Variants in CNKSR3 observed in about 807,000 individuals in gnomAD.
CNKSR3 encodes connector enhancer of kinase suppressor of ras 3.
CNKSR3 carries 36 observed loss-of-function variants against 67.7 expected under a neutral mutation model. The ratio of observed to expected loss-of-function variants is 0.53; its 90% CI spans 0.41 to 0.70. The LOEUF (loss-of-function observed/expected upper bound fraction) is 0.70. CNKSR3 is among the 30% of genes least tolerant of loss of function. The pLI is 0.00. For synonymous variants in CNKSR3, 281 were observed against 271.4 expected (o/e 1.04, Z -0.35); for missense variants, 630 against 695.2 (o/e 0.91, Z 1.05).
At chr6:154,496,799 A>C (rs1170193865) in intron 1 of CNKSR3, among the ~76,000 whole-genome samples, 1 of 152,230 alleles carries the variant, frequency 6.6e-6, no homozygotes, top group Non-Finnish European at 1.5e-5. Flanking sequence ...AAAATTAAGT[A>C]GATCAATGCG....
chr6:154,484,362 A>C (rs2114641989), intron 1 of CNKSR3, among the ~76,000 whole-genome samples: 1 of 152,310 alleles, frequency 6.6e-6, no homozygotes, highest in East Asian at 1.9e-4. Flanking sequence ...CACCAACGTG[A>C]ACAGGATTTG....
Position 154,437,410 on chromosome 6 carries a change from C to CTTTTT in CNKSR3, c.507+3877_507+3881dup, listed in dbSNP as rs10665656. Among the ~76,000 whole-genome samples the CTTTTT allele has an allele frequency of 1.2e-3, 124 of 102,122 alleles. 1 individual carries two copies. The highest frequency in any genetic ancestry group is 1.9e-3 in the East Asian group (6 of 3,126). The allele number at this position is 102,122 out of a possible 152,430, so 67.0% of individuals were successfully genotyped here. ...CACCATTTGGCAAAGCACCTATGTT[C>CTTTTT]TTTTTTTTTTTTTTTTTTTTTGAGA... On this transcript the variant is annotated intron_variant, in intron 4 of 12. Transcript: ENST00000607772.
At chr6:154,443,513 G>A (rs1785646539) in intron 2 of CNKSR3, among the ~76,000 whole-genome samples, 1 of 152,136 alleles carries the variant, frequency 6.6e-6, no homozygotes, top group Non-Finnish European at 1.5e-5. Context: ...CTGAAGCACC[G>A]TGTTTGTGGC....
chr6:154,509,662 G>A (rs1207864267), intron 1 of CNKSR3, among the ~76,000 whole-genome samples: 2 of 152,136 alleles, frequency 1.3e-5, no homozygotes, highest in Admixed American at 6.5e-5. Context: ...AGGTCCCGCG[G>A]GAGTCACCCA....
In CNKSR3 at chr6:154,422,919, G is replaced by A. The variant is rs1473046443; in HGVS notation, c.794C>T (p.Thr265Ile). Reference protein sequence around the residue: ...GDEVIQVNQQTVVGWQLKNLV... With the variant: ...GDEVIQVNQQIVVGWQLKNLV... ...AGCCTCAATAAACAAACTCACCACA[G>A]TTTGCTGATTAACTTGAATGACTTC... is the stretch of plus-strand genomic sequence containing the variant. The change falls in exon 8 of 13, where the codon ACT (threonine) becomes ATT (isoleucine). Residue 265 changes from threonine to isoleucine, a missense_variant. Transcript: ENST00000607772. The A allele has an allele frequency of 6.2e-7, 1 of 1,609,106 alleles. No homozygotes were observed.
At chr6:154,487,059 G>A (rs559149241) in intron 1 of CNKSR3, among the ~76,000 whole-genome samples, 19 of 151,642 alleles carry the variant, frequency 1.3e-4, no homozygotes, top group East Asian at 9.9e-4. Flanking sequence ...CTACAGGCAC[G>A]TGCCACCACA....
intron 1 of CNKSR3, among the ~76,000 whole-genome samples, chr6:154,488,963 T>G (rs1457955102): frequency 6.6e-6 from 1 of 152,150 alleles, no homozygotes; most frequent in African/African-American, 2.4e-5. Flanking sequence ...TGCGACAACC[T>G]CAACCACATG....
At chr6:154,444,817 G>C (rs905557177) in intron 2 of CNKSR3, among the ~76,000 whole-genome samples, 3 of 152,028 alleles carry the variant, frequency 2.0e-5, no homozygotes, top group African/African-American at 4.8e-5. Context: ...ATGTTGGCCA[G>C]GGTGGTCTCA....
chr6:154,479,281 T>C (rs750683740), intron 1 of CNKSR3, among the ~76,000 whole-genome samples: 27 of 152,108 alleles, frequency 1.8e-4, no homozygotes, highest in Admixed American at 5.9e-4. Flanking sequence ...TCCATTCTGT[T>C]TTCAATGTGA....
chr6:154,487,049 C>T (rs763703975), intron 1 of CNKSR3, among the ~76,000 whole-genome samples: 16 of 150,856 alleles, frequency 1.1e-4, no homozygotes, highest in East Asian at 6.0e-4. Context: ...GTAGCTGGGA[C>T]TACAGGCACG....
At chr6:154,422,024 A>C (rs1785155455) in intron 9 of CNKSR3, among the ~76,000 whole-genome samples, 3 of 134,802 alleles carry the variant, frequency 2.2e-5, no homozygotes, top group African/African-American at 5.8e-5. Flanking sequence ...ATAGAGTCTC[A>C]CTCTGTCGTC....
chr6:154,450,851 C>A (rs1006186081), intron 1 of CNKSR3, among the ~76,000 whole-genome samples: 1 of 152,166 alleles, frequency 6.6e-6, no homozygotes, highest in Admixed American at 6.5e-5. Context: ...GCAATGCTGG[C>A]AGTCATTTTT....
chr6:154,424,210 G>C lies in CNKSR3; in HGVS notation c.730-1227C>G, dbSNP rs894276425. Among the ~76,000 whole-genome samples the C allele has an allele frequency of 1.2e-4, 17 of 137,174 alleles. 2 individuals are homozygous for C. The highest frequency in any genetic ancestry group is 2.3e-4 in the South Asian group (1 of 4,430). The allele number at this position is 137,174 out of a possible 152,430, so 90.0% of individuals were successfully genotyped here. A position where few individuals can be genotyped will look rare whatever the true frequency, so the allele number is the denominator to read the frequency against. The stretch of plus-strand genomic sequence containing the variant: ...CGCGCCACTGCACTCCAGCCTAGGC[G>C]ACAGAGCGAGACTCCGTCTCAAAAA... On this transcript the variant is annotated intron_variant, in intron 7 of 12. Transcript: ENST00000607772.
intron 4 of CNKSR3, among the ~76,000 whole-genome samples, chr6:154,440,172 G>A (rs1270717614): frequency 6.6e-6 from 1 of 152,190 alleles, no homozygotes; most frequent in East Asian, 1.9e-4. Flanking sequence ...TGAGAACAAT[G>A]GCTGCTCAGG....
rs372245930 is a variant in CNKSR3, at chr6:154,435,052, TG to T, written c.508-1546del. Among the ~76,000 whole-genome samples the T allele has an allele frequency of 4.3e-4, 63 of 147,940 alleles. 1 individual carries two copies. In the East Asian group the frequency reaches 0.011, roughly 27 times the overall value. On this transcript the variant is annotated intron_variant, in intron 4 of 12. Coordinates refer to ENST00000607772, the MANE Select transcript of CNKSR3 (RefSeq NM_173515.4). Reference sequence around the variant, plus strand: ...CTCTCTCGCCCAAGTAGGAATGCAATGGTGCAATCTCAGCTCACCGGCAGCC... The same window carrying T: ...CTCTCTCGCCCAAGTAGGAATGCAATGTGCAATCTCAGCTCACCGGCAGCC...
rs752427584 is a variant in CNKSR3 at position 154,406,580 on chromosome 6, G to A, written c.1442C>T (p.Pro481Leu). 5.6e-5 allele frequency: 90 copies of A among 1,614,080 alleles called. 1 individual carries two copies. Among genetic ancestry groups the A allele is most frequent in the Non-Finnish European group, 7.6e-5 (90 of 1,180,044 alleles). ...GGTCGTGGGTCTGGAGAACCGGTAT[G>A]GGGGAGAGGAGCTCTCTTCAATGAT... ...PPIIEESSSP[P>L]YRFSRPTTER... Residue 481 changes from proline to leucine, a missense_variant, in exon 13 of 13, where the codon CCA becomes CTA. Pro to Leu is a moderately conservative substitution (Grantham distance 98). Around this residue, in one of 3 missense-constraint regions of CNKSR3, gnomAD observed 308 missense variants for 299.6 expected, o/e 1.03. Transcript: ENST00000607772.
intron 1 of CNKSR3, among the ~76,000 whole-genome samples, chr6:154,468,432 A>ACACACC (rs563684161): frequency 2.1e-5 from 3 of 142,766 alleles, no homozygotes; most frequent in African/African-American, 7.7e-5. Context: ...ACACACACAC[A>ACACACC]CCATGACCAT....
chr6:154,497,777 GGTGA>G (rs1216751272), intron 1 of CNKSR3, among the ~76,000 whole-genome samples: 2 of 151,402 alleles, frequency 1.3e-5, no homozygotes, highest in Non-Finnish European at 2.9e-5. Context: ...TGTGTTTTGG[GGTGA>G]GTGCCATTCT....
At chr6:154,434,701 TA>T (rs1267870045) in intron 4 of CNKSR3, among the ~76,000 whole-genome samples, 2 of 152,036 alleles carry the variant, frequency 1.3e-5, no homozygotes, top group African/African-American at 2.4e-5. Flanking sequence ...AGAAAAGACT[TA>T]AAAAAAATAA....
Sources: gnomAD v4.1 joint callset for allele counts (sites outside exome capture counted in the v4.1 genomes callset) on GRCh38, gnomAD v4.1.1 for gene constraint, gnomAD v4.1.1 regional missense constraint, MANE v1.5 for transcripts, NCBI Gene and HGNC (gene_info 2026-07-23, HGNC 2026-07-21) for gene names.